The following MPPED1 variants were observed in gnomAD, a reference collection of about 807,000 sequenced individuals.
MPPED1 encodes metallophosphoesterase domain containing 1.
Under a neutral mutation model 36.2 loss-of-function variants are expected in MPPED1, and 16 were observed. That is an observed-to-expected ratio of 0.44 (90% CI 0.30 to 0.67). MPPED1 has a LOEUF of 0.67. Among genes scored for constraint, MPPED1 ranks in the 30% least tolerant of loss-of-function variants. The probability of loss-of-function intolerance (pLI) is 0.10; values close to 1 mark genes in which losing one functional copy is unlikely to be tolerated. For synonymous variants in MPPED1, 199 were observed against 191.3 expected, an observed-to-expected ratio of 1.04 and a Z score of -0.33; for missense variants, 307 against 453.4, an observed-to-expected ratio of 0.68 and a Z score of 2.93.
chr22:43,416,165 C>T (rs187400210), intron 1 of MPPED1, among the ~76,000 whole-genome samples: 1 of 152,194 alleles, frequency 6.6e-6, no homozygotes, highest in Non-Finnish European at 1.5e-5. Context: ...TTTTTCTGCC[C>T]TGGGTTCCCT....
intron 2 of MPPED1, among the ~76,000 whole-genome samples, chr22:43,428,922 G>T (rs1381991551): frequency 6.6e-6 from 1 of 152,110 alleles, no homozygotes; most frequent in Non-Finnish European, 1.5e-5. Flanking sequence ...AAGAGTGAGT[G>T]TTGGGGGACA....
chr22:43,431,078 G>C (rs1483902323), intron 2 of MPPED1, among the ~76,000 whole-genome samples: 4 of 114,364 alleles, frequency 3.5e-5, no homozygotes, highest in African/African-American at 1.3e-4. Flanking sequence ...GTCTCACTCT[G>C]TCGCCCAGGC....
chr22:43,498,396 G>A, intron 5 of MPPED1, 46 bp downstream of exon 5: 1 of 1,458,864 alleles, frequency 6.9e-7, no homozygotes. Flanking sequence ...ATCTGGGCTG[G>A]TGGGTGGGCT....
chr22:43,477,438 C>T (rs550248268), intron 4 of MPPED1, among the ~76,000 whole-genome samples: 2 of 152,296 alleles, frequency 1.3e-5, no homozygotes, highest in East Asian at 1.9e-4. Context: ...TGTGGTGCCA[C>T]GGAATGGATG....
At chr22:43,492,455 G>A (rs961050670) in intron 4 of MPPED1, among the ~76,000 whole-genome samples, 1 of 152,144 alleles carries the variant, frequency 6.6e-6, no homozygotes, top group African/African-American at 2.4e-5. Context: ...TGTCCTTGAT[G>A]CTGCCCACCC....
At chr22:43,475,488 ATG>A (rs1569082182) in intron 4 of MPPED1, among the ~76,000 whole-genome samples, 78 of 3,430 alleles carry the variant, frequency 0.023, 2 homozygotes, top group Non-Finnish European at 0.034. Flanking sequence ...GGTGATGGTG[ATG>A]ATGGTGGTGA....
At chr22:43,417,839 A>G (rs963208818) in intron 1 of MPPED1, 1 of 340,200 alleles carries the variant, frequency 2.9e-6, no homozygotes, top group East Asian at 7.7e-5. Flanking sequence ...GGGGCTATTC[A>G]GTCGCTCCTA....
chr22:43,448,036 G>A (rs1173006425), intron 3 of MPPED1, among the ~76,000 whole-genome samples: 1 of 151,040 alleles, frequency 6.6e-6, no homozygotes, highest in Non-Finnish European at 1.5e-5. Context: ...CCACCACCAC[G>A]CCTGGCTAAT....
chr22:43,464,954 G>T (rs1569078440), intron 3 of MPPED1, among the ~76,000 whole-genome samples: 1 of 152,194 alleles, frequency 6.6e-6, no homozygotes, highest in Non-Finnish European at 1.5e-5. Flanking sequence ...CTATACAAGG[G>T]CCCCTTGGTT....
Position 43,498,336 on chromosome 22 carries a change from A to G in MPPED1, c.734A>G (p.His245Arg). 2 of 1,534,564 alleles carry G rather than the reference A, an allele frequency of 1.3e-6. No homozygotes were observed. Among genetic ancestry groups the G allele is most frequent in the Non-Finnish European group, 1.7e-6 (2 of 1,146,020 alleles). The change falls in exon 5 of 7, where the codon CAT (histidine) becomes CGT (arginine). Residue 245 changes from histidine (H) to arginine (R), a missense_variant. His to Arg is a conservative substitution (Grantham distance 29). Transcript: ENST00000443721. ...IPEGVDILIT[H>R]GPPLGFLDWV... ...GAAGGCGTAGACATCCTGATAACCC[A>G]TGGACCACCACTGGGTAAGGCTCTG...
intron 4 of MPPED1, among the ~76,000 whole-genome samples, chr22:43,497,931 ATATG>A (rs1932479598): frequency 3.1e-5 from 4 of 130,180 alleles, no homozygotes; most frequent in African/African-American, 1.4e-4. Flanking sequence ...ATATATATGT[ATATG>A]TATATATATA....
chr22:43,489,044 T>C (rs1374819945), intron 4 of MPPED1, among the ~76,000 whole-genome samples: 1 of 152,156 alleles, frequency 6.6e-6, no homozygotes, highest in Non-Finnish European at 1.5e-5. Context: ...TGATCAGGGC[T>C]GACTGGGCCC....
chr22:43,500,201 AATGGAG>A (rs1932644928), intron 5 of MPPED1, among the ~76,000 whole-genome samples: 4 of 8,914 alleles, frequency 4.5e-4, no homozygotes, highest in South Asian at 0.01. Flanking sequence ...TGGAGGTGGT[AATGGAG>A]GTGGTGGGGG....
chr22:43,464,097 C>T (rs1484731360), intron 3 of MPPED1, among the ~76,000 whole-genome samples: 1 of 151,738 alleles, frequency 6.6e-6, no homozygotes, highest in African/African-American at 2.4e-5. Context: ...TTAGTAGAGA[C>T]AGGGTTTCAC....
In MPPED1 at chr22:43,474,291, T is replaced by C. The variant is rs1375687076; in HGVS notation, c.407-445T>C. On this transcript the variant is annotated intron_variant, in intron 3 of 6. Coordinates refer to ENST00000443721, the MANE Select transcript of MPPED1 (RefSeq NM_001044370.2). This position sits in a 1 kb window ranked among gnomAD's most constrained non-coding sequence, Gnocchi z 5.2. ...AGTCCCAGGATGAGGCCAGGCACTC[T>C]GCAGCTCAGCAGCCTGGGAGGAACC... Among the ~76,000 whole-genome samples the C allele has an allele frequency of 6.6e-6, 1 of 152,220 alleles. No individual in the cohort carries two copies. Among genetic ancestry groups the C allele is most frequent in the African/African-American group, 2.4e-5 (1 of 41,454 alleles).
intron 2 of MPPED1, among the ~76,000 whole-genome samples, chr22:43,425,425 G>A (rs555518030): frequency 3.9e-5 from 6 of 152,382 alleles, no homozygotes; most frequent in African/African-American, 1.2e-4. Flanking sequence ...TCTGGCCGCA[G>A]TCCTGTTTCA....
chr22:43,442,549 T>C (rs1930187129), intron 3 of MPPED1, among the ~76,000 whole-genome samples: 1 of 152,166 alleles, frequency 6.6e-6, no homozygotes, highest in South Asian at 2.1e-4. Context: ...AGCTGTTCTC[T>C]ATGCATGGAG....
chr22:43,490,811 G>T (rs1932057873), intron 4 of MPPED1, among the ~76,000 whole-genome samples: 1 of 152,210 alleles, frequency 6.6e-6, no homozygotes. Flanking sequence ...CTTCCCAGAA[G>T]CACCTTACCC....
chr22:43,466,071 A>G (rs968072945), intron 3 of MPPED1, among the ~76,000 whole-genome samples: 3 of 152,258 alleles, frequency 2.0e-5, no homozygotes, highest in African/African-American at 7.2e-5. Flanking sequence ...AGTGGAAACA[A>G]GCAGTTGAAG....
Sources: gnomAD v4.1 joint callset for allele counts (sites outside exome capture counted in the v4.1 genomes callset) on GRCh38, gnomAD v4.1.1 for gene constraint, Gnocchi (gnomAD v3.1) non-coding constraint, MANE v1.5 for transcripts, NCBI Gene and HGNC (gene_info 2026-07-23, HGNC 2026-07-21) for gene names.